CSMD1: variants seen among roughly 807,000 people sequenced by gnomAD.
The protein encoded by CSMD1 is CUB and sushi domain-containing protein 1.
A neutral mutation model predicts 417.5 loss-of-function variants in CSMD1; 213 were observed. The ratio of observed to expected loss-of-function variants is 0.51; its 90% CI spans 0.46 to 0.57. CSMD1 has a LOEUF of 0.57. Ranked by LOEUF, CSMD1 falls within the 20% of genes least tolerant of loss-of-function variation. CSMD1 has a pLI of 0.00. For missense variants in CSMD1, 6,923 were observed against 4,529.7 expected (o/e 1.53, Z -15.17); for synonymous variants, 2,862 against 1,736.8 (o/e 1.65, Z -16.11).
intron 2 of CSMD1, among the ~76,000 whole-genome samples, chr8:4,516,046 C>T (rs1297617706): frequency 6.6e-6 from 1 of 152,074 alleles, no homozygotes; most frequent in African/African-American, 2.4e-5. Context: ...TCTGTCTTCC[C>T]AAAACTGCTA....
chr8:4,044,390 G>A (rs528009442), intron 3 of CSMD1, among the ~76,000 whole-genome samples: 12 of 152,160 alleles, frequency 7.9e-5, no homozygotes, highest in African/African-American at 2.2e-4. Flanking sequence ...TAAGCTAAAG[G>A]CAATCTCAGT....
chr8:4,233,610 G>T (rs7822226), intron 3 of CSMD1, among the ~76,000 whole-genome samples: 3 of 151,822 alleles, frequency 2.0e-5, no homozygotes, highest in Non-Finnish European at 4.4e-5. Context: ...CCCCAACCAG[G>T]ACACCTTGAT....
intron 5 of CSMD1, among the ~76,000 whole-genome samples, chr8:3,921,924 A>G (rs2129144432): frequency 6.6e-6 from 1 of 152,266 alleles, no homozygotes; most frequent in South Asian, 2.1e-4. Context: ...TTGGCCAAGT[A>G]CATTGCTTTC....
At chr8:3,161,198 T>TA (rs759425766) in intron 38 of CSMD1, among the ~76,000 whole-genome samples, 116 of 152,326 alleles carry the variant, frequency 7.6e-4, no homozygotes, top group Non-Finnish European at 1.2e-3. Flanking sequence ...TGCTAAGTGA[T>TA]AGACACTATT....
intron 1 of CSMD1, among the ~76,000 whole-genome samples, chr8:4,674,097 A>C (rs1805524862): frequency 1.3e-5 from 2 of 152,216 alleles, no homozygotes; most frequent in African/African-American, 4.8e-5. Flanking sequence ...TATTCTCTTT[A>C]TATAAACCAG....
intron 3 of CSMD1, among the ~76,000 whole-genome samples, chr8:4,243,533 G>T (rs60461953): frequency 6.6e-6 from 1 of 151,946 alleles, no homozygotes; most frequent in African/African-American, 2.4e-5. Flanking sequence ...TGTAACCAGA[G>T]AAATGGGGAA....
At chr8:4,841,379 G>T (rs1016683378) in intron 1 of CSMD1, among the ~76,000 whole-genome samples, 3 of 152,146 alleles carry the variant, frequency 2.0e-5, no homozygotes, top group African/African-American at 7.2e-5. Context: ...GCTTCTTGAA[G>T]GCAGGGACCA....
chr8:2,995,808 C>A (rs1246859132), intron 54 of CSMD1, among the ~76,000 whole-genome samples: 3 of 152,216 alleles, frequency 2.0e-5, no homozygotes, highest in Non-Finnish European at 4.4e-5. Flanking sequence ...GAAGGCTGCA[C>A]ACCACATGAT....
intron 3 of CSMD1, among the ~76,000 whole-genome samples, chr8:4,221,669 G>C (rs150244120): frequency 1.2e-4 from 18 of 152,272 alleles, no homozygotes; most frequent in Admixed American, 4.6e-4. Flanking sequence ...TGACAGGAGA[G>C]GCACTGCCAT....
At chr8:4,291,972 T>G (rs999189207) in intron 3 of CSMD1, among the ~76,000 whole-genome samples, 2 of 152,336 alleles carry the variant, frequency 1.3e-5, no homozygotes, top group Non-Finnish European at 2.9e-5. Context: ...AAGGAATTTC[T>G]TTCATCAGAG....
intron 11 of CSMD1, among the ~76,000 whole-genome samples, chr8:3,479,178 C>A (rs1183865313): frequency 6.6e-6 from 1 of 152,196 alleles, no homozygotes; most frequent in Non-Finnish European, 1.5e-5. Context: ...CTCCCCAGCC[C>A]ACAAAATAGG....
At chr8:4,438,469 G>C (rs17070301) in intron 2 of CSMD1, among the ~76,000 whole-genome samples, 2 of 152,184 alleles carry the variant, frequency 1.3e-5, no homozygotes, top group Non-Finnish European at 2.9e-5. Context: ...TGTGGCAATG[G>C]ACCAACGCTT....
At chr8:3,478,885 C>A (rs1223586841) in intron 11 of CSMD1, among the ~76,000 whole-genome samples, 10 of 152,148 alleles carry the variant, frequency 6.6e-5, no homozygotes, top group Admixed American at 5.9e-4. Context: ...CCCTTCGTCC[C>A]AGTAGGTGTG....
chr8:3,983,948 C>G (rs1167565115), intron 5 of CSMD1, among the ~76,000 whole-genome samples: 1 of 152,190 alleles, frequency 6.6e-6, no homozygotes, highest in Admixed American at 6.5e-5. Flanking sequence ...AACTCTAGAG[C>G]ACATTGCAGA....
Position 3,308,266 on chromosome 8 carries a change from C to G in CSMD1, c.3823+46G>C, listed in dbSNP as rs17079859. 4.3e-3 allele frequency: 6,500 copies of G among 1,494,816 alleles called. 244 individuals are homozygous for G. The African/African-American group carries it at 0.077, about 18-fold the overall frequency. 92.6% of individuals were successfully genotyped at this position (1,494,816 alleles called of 1,614,324 possible). ...GTCAATGCAACATGGTGCAAGCACC[C>G]TAAGGCCTGGCTTTTGCACAATGGT... On this transcript the variant is annotated intron_variant, in intron 24 of 69. Transcript: ENST00000635120.
At chr8:4,041,467 G>C (rs567602501) in intron 3 of CSMD1, among the ~76,000 whole-genome samples, 17 of 152,168 alleles carry the variant, frequency 1.1e-4, no homozygotes, top group Non-Finnish European at 1.6e-4. Context: ...TTAAAAAGTA[G>C]TGTAAGGATC....
chr8:3,575,132 T>A lies in CSMD1; in HGVS notation c.1223-66A>T, dbSNP rs1363576954. 6.0e-5 allele frequency: 91 copies of A among 1,507,380 alleles called. 1 individual carries two copies. The highest frequency in any genetic ancestry group is 2.1e-5 in the Non-Finnish European group (24 of 1,117,262). 93.4% of individuals were successfully genotyped at this position (1,507,380 alleles called of 1,614,324 possible). A position where few individuals can be genotyped will look rare whatever the true frequency, so the allele number is the denominator to read the frequency against. On this transcript the variant is annotated intron_variant, in intron 9 of 69. Transcript: ENST00000635120. ...TGTCAGTTTGGTAAAGACATAACAT[T>A]TATGGGAAATTTCAAGTTAGCTATT...
chr8:3,063,207 T>C (rs1017521122), intron 49 of CSMD1, among the ~76,000 whole-genome samples: 5 of 152,200 alleles, frequency 3.3e-5, no homozygotes, highest in African/African-American at 9.7e-5. Flanking sequence ...ATAAGTGGGC[T>C]TGTTGGGCAT....
chr8:4,702,251 C>G (rs1807609233), intron 1 of CSMD1, among the ~76,000 whole-genome samples: 1 of 152,116 alleles, frequency 6.6e-6, no homozygotes, highest in South Asian at 2.1e-4. Flanking sequence ...TACCCAATAA[C>G]TTAAAATAAA....
Sources: gnomAD v4.1 joint callset for allele counts (sites outside exome capture counted in the v4.1 genomes callset) on GRCh38, gnomAD v4.1.1 for gene constraint, MANE v1.5 for transcripts, NCBI Gene and HGNC (gene_info 2026-07-23, HGNC 2026-07-21) for gene names.